CILP: variants seen among roughly 807,000 people sequenced by gnomAD.
The protein encoded by CILP is cartilage intermediate layer protein 1.
CILP carries 75 observed loss-of-function variants against 82.5 expected under a neutral mutation model. The observed-to-expected ratio is 0.91, with a 90% CI of 0.75 to 1.10. The LOEUF is 1.10. CILP is among the 50% of genes least tolerant of loss of function. The pLI, the probability that CILP is intolerant of heterozygous loss-of-function variation, is 0.00. For missense variants in CILP, 1,479 were observed against 1,530.8 expected, an observed-to-expected ratio of 0.97 and a Z score of 0.56; for synonymous variants, 530 against 580.3, an observed-to-expected ratio of 0.91 and a Z score of 1.25.
Position 65,197,909 on chromosome 15 carries a change from A to G in CILP, c.2377T>C (p.Trp793Arg). The G allele has an allele frequency of 6.2e-7, 1 of 1,614,130 alleles. No homozygotes were observed. Among genetic ancestry groups the G allele is most frequent in the Non-Finnish European group, 8.5e-7 (1 of 1,180,018 alleles). The change falls in exon 9 of 9, where the codon TGG becomes CGG. Residue 793 changes from tryptophan to arginine, a missense_variant. Trp to Arg is a moderately radical substitution (Grantham distance 101). Coordinates refer to ENST00000261883, the MANE Select transcript of CILP (RefSeq NM_003613.4). Reference sequence around the variant, plus strand: ...GTGATGACACTGTCAAAGCGGCCCCAGGCCCTAGGGTTGGACAAGAAGCCA... The same window carrying G: ...GTGATGACACTGTCAAAGCGGCCCCGGGCCCTAGGGTTGGACAAGAAGCCA... ...RTGFLSNPRAWGRFDSVITGP... is the reference protein window; with the variant it reads ...RTGFLSNPRARGRFDSVITGP...
chr15:65,204,663 C>T, intron 5 of CILP, 81 bp from the exon 6 acceptor site: 1 of 1,388,942 alleles, frequency 7.2e-7, no homozygotes, highest in South Asian at 1.4e-5. Context: ...ACTTCCTCTC[C>T]TCCTTGGCCT....
rs754533589 is a variant in CILP, at chr15:65,196,831, G to A, written c.3455C>T (p.Ser1152Leu). 48 of 1,612,430 alleles carry A rather than the reference G, an allele frequency of 3.0e-5. No individual in the cohort carries two copies. The highest frequency in any genetic ancestry group is 7.7e-5 in the South Asian group (7 of 90,906). ...AAGTVQGRVPSRRQQRASRGG... is the reference protein window; with the variant it reads ...AAGTVQGRVPLRRQQRASRGG... The stretch of plus-strand genomic sequence containing the variant: ...CCTGCTCGCTCGCTGCTGCCTCCTC[G>A]AGGGCACTCTTCCTTGGACAGTGCC... Residue 1152 changes from serine to leucine, a missense_variant, in exon 9 of 9, where the codon TCG becomes TTG. By Grantham distance (145) the Ser-to-Leu change is moderately radical. Coordinates refer to ENST00000261883, the MANE Select transcript of CILP (RefSeq NM_003613.4).
chr15:65,203,251 C>G, intron 7 of CILP, 111 bp downstream of exon 7: 1 of 759,236 alleles, frequency 1.3e-6, no homozygotes, highest in Non-Finnish European at 2.3e-6. Context: ...CACTGTCTTA[C>G]TTGTAACTTT....
chr15:65,203,987 A>T (rs2088488887), intron 6 of CILP, among the ~76,000 whole-genome samples: 1 of 152,264 alleles, frequency 6.6e-6, no homozygotes, highest in African/African-American at 2.4e-5. Context: ...AACAGAATAC[A>T]TGCAGCAAGC....
rs147442122 is a variant in CILP at position 65,206,803 on chromosome 15, C to T, written c.403G>A (p.Val135Ile). 21 of 1,612,932 alleles carry T rather than the reference C, an allele frequency of 1.3e-5. No individual in the cohort carries two copies. In the African/African-American group the frequency reaches 1.3e-4, roughly 10 times the overall value. ...TTACCTGGTGGGCAGAGGAAGCGTA[C>T]GGTGTAATTAGAGCAGTTCTGGCCA... ...RPGQNCSNYTVRFLCPPGSLR... is the reference protein window; with the variant it reads ...RPGQNCSNYTIRFLCPPGSLR... Residue 135 changes from valine to isoleucine, a missense_variant, in exon 4 of 9, where the codon GTA becomes ATA. Coordinates refer to ENST00000261883, the MANE Select transcript of CILP (RefSeq NM_003613.4).
At position 65,203,385 on chromosome 15, in the gene CILP, C is replaced by CT. The variant is rs1316214440; in HGVS notation, c.1004dup (p.Pro336AlafsTer11). 1 of 1,613,524 alleles carries CT rather than the reference C, an allele frequency of 6.2e-7. No homozygotes were observed. On this transcript the variant is annotated frameshift_variant, in exon 7 of 9. Transcript: ENST00000261883. LOFTEE classifies it high-confidence loss of function. ...ACCAAAAATACTTGTCTGGCCTGGG[C>CT]TTCCCTGTGGCCTTACAGCACAGAG...
At position 65,198,144 on chromosome 15, in the gene CILP, G is replaced by C. The variant is rs2088399929; in HGVS notation, c.2142C>G (p.Phe714Leu). ...DTGLWEEEGD[F>L]KFENQRRNKR... ...TGTTCCTCCTTTGATTTTCAAATTT[G>C]AAATCACCTTCCTCCTCCCACAGCC... Residue 714 changes from phenylalanine (F) to leucine (L), a missense_variant, in exon 9 of 9, where the codon TTC becomes TTG. Physicochemically the swap from Phe to Leu is conservative, Grantham distance 22. Transcript: ENST00000261883. The C allele has an allele frequency of 6.2e-7, 1 of 1,614,084 alleles. No individual in the cohort carries two copies. The highest frequency in any genetic ancestry group is 1.1e-5 in the South Asian group (1 of 91,076).
chr15:65,197,238 A>G lies in CILP; in HGVS notation c.3048T>C (p.Asp1016=). The G allele has an allele frequency of 1.2e-6, 2 of 1,614,068 alleles. No homozygotes were observed. Among genetic ancestry groups the G allele is most frequent in the Non-Finnish European group, 1.7e-6 (2 of 1,179,998 alleles). The stretch of plus-strand genomic sequence containing the variant: ...CCAGGGTGCGGTCCACACGGTCCTG[A>G]TCATAGAGCATCCCACTGCACTTGA... ...LEFKCSGMLY[D]QDRVDRTLVK... is the part of the protein sequence containing the mutation. Residue 1016 remains aspartate (D), a synonymous_variant, in exon 9 of 9, where the codon GAT becomes GAC. Coordinates refer to ENST00000261883, the MANE Select transcript of CILP (RefSeq NM_003613.4).
In CILP at chr15:65,199,083, A is replaced by T. The variant is rs763542844; in HGVS notation, c.1203T>A (p.Pro401=). ...GATAGCTCTCAGGAACTGGGTTGCAAGGAGTCTCATCAGATGCTGTGTAGG... is the reference window on the plus strand; with the variant it reads ...GATAGCTCTCAGGAACTGGGTTGCATGGAGTCTCATCAGATGCTGTGTAGG... ...QLIVIASDET[P]CNPVPESYLI... is the part of the protein sequence containing the mutation. Residue 401 remains proline (P), a synonymous_variant, in exon 9 of 9, where the codon CCT becomes CCA. Coordinates refer to ENST00000261883, the MANE Select transcript of CILP (RefSeq NM_003613.4). The T allele has an allele frequency of 2.3e-5, 36 of 1,593,844 alleles. No homozygotes were observed. Among genetic ancestry groups the T allele is most frequent in the Non-Finnish European group, 3.0e-5 (35 of 1,176,974 alleles).
In CILP at chr15:65,195,929, C is replaced by T. The variant is rs1044478233; in HGVS notation, c.*802G>A. 1.3e-5 allele frequency: 2 copies of T among 152,250 alleles called. No individual in the cohort carries two copies. The highest frequency in any genetic ancestry group is 4.8e-5 in the African/African-American group (2 of 41,456). The allele number at this position is 152,250 out of a possible 1,614,324, so 9.4% of individuals were successfully genotyped here. A position where few individuals can be genotyped will look rare whatever the true frequency, so the allele number is the denominator to read the frequency against. ...GGGCGAGGACTTACACCACCTGTGA[C>T]TGCTTTCCAGAGTCCCCTGTACTCC... On this transcript the variant is annotated 3_prime_UTR_variant, in exon 9 of 9. Coordinates refer to ENST00000261883, the MANE Select transcript of CILP (RefSeq NM_003613.4).
chr15:65,210,066 TG>T (rs2088567871), intron 1 of CILP, among the ~76,000 whole-genome samples: 2 of 152,042 alleles, frequency 1.3e-5, no homozygotes, highest in African/African-American at 4.8e-5. Flanking sequence ...GTTCCATCCC[TG>T]GGGGTAGGCT....
At position 65,197,749 on chromosome 15, in the gene CILP, GCATTTGGGTTGAATTT is replaced by G; in HGVS notation, c.2521_2536del (p.Lys841GlnfsTer90). 6.2e-7 allele frequency: 1 copy of G among 1,612,438 alleles called. No individual in the cohort carries two copies. The highest frequency in any genetic ancestry group is 8.5e-7 in the Non-Finnish European group (1 of 1,180,030). On this transcript the variant is annotated frameshift_variant, in exon 9 of 9. Coordinates refer to ENST00000261883, the MANE Select transcript of CILP (RefSeq NM_003613.4). LOFTEE classifies it high-confidence loss of function. ...GAGATAGGGCTGAGGGACGCCAATT[GCATTTGGGTTGAATTT>G]AGGAGAAGACTCCACTGCTTGCAGT...
At chr15:65,203,333 T>C (rs372615023) in intron 7 of CILP, 29 bp downstream of exon 7, 137 of 1,491,754 alleles carry the variant, frequency 9.2e-5, no homozygotes, top group African/African-American at 7.3e-4. Context: ...AGGAGGAGAA[T>C]TGGGCAGGGT....
chr15:65,206,939 G>T lies in CILP; in HGVS notation c.267C>A (p.Pro89=). 6.2e-7 allele frequency: 1 copy of T among 1,614,082 alleles called. No individual in the cohort carries two copies. The highest frequency in any genetic ancestry group is 1.1e-5 in the South Asian group (1 of 91,084). Residue 89 remains proline (P), a synonymous_variant, in exon 4 of 9, where the codon CCC becomes CCA. Coordinates refer to ENST00000261883, the MANE Select transcript of CILP (RefSeq NM_003613.4). ...CAGTGGTCCGAGCCTCTAGCCGCAGGGGACGGGCACATACACGGTCCCCAT... is the reference window on the plus strand; with the variant it reads ...CAGTGGTCCGAGCCTCTAGCCGCAGTGGACGGGCACATACACGGTCCCCAT... ...FYYGDRVCAR[P]LRLEARTTDW...
chr15:65,209,640 C>T, intron 2 of CILP, 55 bp downstream of exon 2: 1 of 1,573,298 alleles, frequency 6.4e-7, no homozygotes, highest in Non-Finnish European at 8.7e-7. Flanking sequence ...AGACCAGACA[C>T]AACCTCACTG....
chr15:65,206,961 C>A lies in CILP; in HGVS notation c.245G>T (p.Gly82Val), dbSNP rs771039073. ...CAGGGGACGGGCACATACACGGTCCCCATAGTAGAAGCGAATGGCGTCCAG... is the reference window on the plus strand; with the variant it reads ...CAGGGGACGGGCACATACACGGTCCACATAGTAGAAGCGAATGGCGTCCAG... The part of the protein sequence containing the change: ...ERLDAIRFYY[G>V]DRVCARPLRL... The change falls in exon 4 of 9, where the codon GGG (glycine) becomes GTG (valine). Residue 82 changes from glycine (G) to valine (V), a missense_variant. Coordinates refer to ENST00000261883, the MANE Select transcript of CILP (RefSeq NM_003613.4). 14 of 1,613,926 alleles carry A rather than the reference C, an allele frequency of 8.7e-6. No homozygotes were observed. The highest frequency in any genetic ancestry group is 1.1e-5 in the Non-Finnish European group (13 of 1,180,014).
rs746229635 is a variant in CILP at position 65,196,845 on chromosome 15, T to C, written c.3441A>G (p.Gln1147=). 1.2e-6 allele frequency: 2 copies of C among 1,613,652 alleles called. No individual in the cohort carries two copies. The highest frequency in any genetic ancestry group is 1.7e-6 in the Non-Finnish European group (2 of 1,179,858). Residue 1147 remains glutamine (Q), a synonymous_variant, in exon 9 of 9, where the codon CAA becomes CAG. Transcript: ENST00000261883. ...PAQSPAAGTV[Q]GRVPSRRQQR... is the part of the protein sequence containing the mutation. ...GCTGCCTCCTCGAGGGCACTCTTCCTTGGACAGTGCCTGCAGCAGGGGACT... is the reference window on the plus strand; with the variant it reads ...GCTGCCTCCTCGAGGGCACTCTTCCCTGGACAGTGCCTGCAGCAGGGGACT...
intron 7 of CILP, 69 bp from the exon 8 acceptor site, chr15:65,202,098 G>T (rs1032342844): frequency 7.4e-7 from 1 of 1,345,492 alleles, no homozygotes; most frequent in Non-Finnish European, 9.9e-7. Flanking sequence ...AAAGTGCCAG[G>T]AGCAGGCAGC....
rs2088343576 is a variant in CILP at position 65,194,853 on chromosome 15, A to ACCCACCCCCCC, written c.*1867_*1877dup. ...ACCAGTCAGCCCACCTTCCCCAGCA[A>ACCCACCCCCCC]CCCACCCCCCCCCGACCCTCCCCCT... On this transcript the variant is annotated 3_prime_UTR_variant, in exon 9 of 9. Coordinates refer to ENST00000261883, the MANE Select transcript of CILP (RefSeq NM_003613.4). The ACCCACCCCCCC allele has an allele frequency of 8.7e-6, 1 of 115,434 alleles. No homozygotes were observed. Among genetic ancestry groups the ACCCACCCCCCC allele is most frequent in the African/African-American group, 3.2e-5 (1 of 30,966 alleles). The allele number at this position is 115,434 out of a possible 1,614,324, so 7.2% of individuals were successfully genotyped here.
Sources: gnomAD v4.1 joint callset for allele counts (sites outside exome capture counted in the v4.1 genomes callset) on GRCh38, gnomAD v4.1.1 for gene constraint, MANE v1.5 for transcripts, NCBI Gene and HGNC (gene_info 2026-07-23, HGNC 2026-07-21) for gene names.